Variants in CSMD1 observed in about 807,000 individuals in gnomAD.
The protein encoded by CSMD1 is CUB and sushi domain-containing protein 1.
A neutral mutation model predicts 417.5 loss-of-function variants in CSMD1; 213 were observed. That is an observed-to-expected ratio of 0.51 (90% CI 0.46 to 0.57). The LOEUF is 0.57. Ranked by LOEUF, CSMD1 falls within the 20% of genes least tolerant of loss-of-function variation. CSMD1 has a pLI of 0.00. For synonymous variants in CSMD1, 2,862 were observed against 1,736.8 expected (o/e 1.65, Z -16.11); for missense variants, 6,923 against 4,529.7 (o/e 1.53, Z -15.17).
At chr8:4,703,709 G>T (rs1165673188) in intron 1 of CSMD1, among the ~76,000 whole-genome samples, 2 of 152,014 alleles carry the variant, frequency 1.3e-5, no homozygotes, top group African/African-American at 4.8e-5. Context: ...TGAATTAAAA[G>T]ATTTTCTTTA....
chr8:3,351,149 A>G (rs755887610), intron 21 of CSMD1, among the ~76,000 whole-genome samples: 101 of 152,234 alleles, frequency 6.6e-4, no homozygotes, highest in Non-Finnish European at 4.0e-4. Flanking sequence ...AATATGTAAT[A>G]ATAGCTCATT....
At chr8:3,933,807 G>C (rs1810308941) in intron 5 of CSMD1, among the ~76,000 whole-genome samples, 1 of 152,066 alleles carries the variant, frequency 6.6e-6, no homozygotes, top group Admixed American at 6.6e-5. Flanking sequence ...TTCAGATCTT[G>C]CACTTAAAAC....
intron 2 of CSMD1, among the ~76,000 whole-genome samples, chr8:4,585,441 T>C (rs2725024): frequency 0.34 from 50,960 of 151,904 alleles, 8,682 homozygotes; most frequent in African/African-American, 0.37. Flanking sequence ...ACGTGGAATA[T>C]GGGCAAAATA....
intron 3 of CSMD1, among the ~76,000 whole-genome samples, chr8:4,384,856 T>C (rs1473291871): frequency 6.6e-6 from 1 of 151,562 alleles, no homozygotes; most frequent in African/African-American, 2.4e-5. Context: ...TACTGTTTGA[T>C]CTTAACAAAT....
At chr8:3,013,616 G>A (rs1255732330) in intron 52 of CSMD1, among the ~76,000 whole-genome samples, 1 of 152,042 alleles carries the variant, frequency 6.6e-6, no homozygotes, top group African/African-American at 2.4e-5. Context: ...GCCAGGTGTG[G>A]TGGTGGGTGC....
At chr8:4,196,131 A>C (rs1485446810) in intron 3 of CSMD1, among the ~76,000 whole-genome samples, 1 of 152,042 alleles carries the variant, frequency 6.6e-6, no homozygotes, top group African/African-American at 2.4e-5. Context: ...GAATGGCTTG[A>C]ACCCGGGAAG....
At chr8:4,507,566 T>C (rs556358941) in intron 2 of CSMD1, among the ~76,000 whole-genome samples, 6 of 152,212 alleles carry the variant, frequency 3.9e-5, no homozygotes, top group Non-Finnish European at 8.8e-5. Flanking sequence ...TGCATGGACA[T>C]GCATGTTATC....
At chr8:4,348,171 A>C (rs547792727) in intron 3 of CSMD1, among the ~76,000 whole-genome samples, 2 of 152,172 alleles carry the variant, frequency 1.3e-5, no homozygotes, top group African/African-American at 4.8e-5. Context: ...TATTTACTGC[A>C]TATGATCTCT....
chr8:3,718,508 A>G (rs866373393), intron 6 of CSMD1, among the ~76,000 whole-genome samples: 3 of 152,214 alleles, frequency 2.0e-5, no homozygotes, highest in South Asian at 4.1e-4. Context: ...AATGTGAACC[A>G]TTTGTACTGT....
intron 3 of CSMD1, among the ~76,000 whole-genome samples, chr8:4,126,414 G>A (rs926324639): frequency 2.0e-5 from 3 of 152,130 alleles, no homozygotes; most frequent in Non-Finnish European, 2.9e-5. Context: ...CCCATCACAG[G>A]ACAGCACCCT....
chr8:3,056,082 A>G (rs1224258746), intron 49 of CSMD1, among the ~76,000 whole-genome samples: 1 of 152,224 alleles, frequency 6.6e-6, no homozygotes, highest in East Asian at 1.9e-4. Context: ...TAAAATTTTT[A>G]CTTATTTATT....
intron 2 of CSMD1, among the ~76,000 whole-genome samples, chr8:4,448,740 T>C (rs1375991131): frequency 6.6e-6 from 1 of 152,220 alleles, no homozygotes; most frequent in East Asian, 1.9e-4. Context: ...TTTTGAATTT[T>C]TCTGAATGAC....
chr8:4,514,182 C>T (rs572230069), intron 2 of CSMD1, among the ~76,000 whole-genome samples: 1 of 152,100 alleles, frequency 6.6e-6, no homozygotes, highest in African/African-American at 2.4e-5. Context: ...AAAATGCCAC[C>T]TTCTTACCGT....
At chr8:4,661,314 A>G (rs1449598105) in intron 1 of CSMD1, among the ~76,000 whole-genome samples, 1 of 152,232 alleles carries the variant, frequency 6.6e-6, no homozygotes, top group Non-Finnish European at 1.5e-5. Flanking sequence ...AAATAAAAAC[A>G]GACTGCTGAC....
chr8:4,451,780 A>ATG (rs1430630704), intron 2 of CSMD1, among the ~76,000 whole-genome samples: 2 of 152,048 alleles, frequency 1.3e-5, no homozygotes, highest in Non-Finnish European at 2.9e-5. Flanking sequence ...GTAGTATTTG[A>ATG]GCAGGATCCA....
At chr8:4,619,793 T>C (rs547661638) in intron 2 of CSMD1, among the ~76,000 whole-genome samples, 36 of 152,140 alleles carry the variant, frequency 2.4e-4, no homozygotes, top group Non-Finnish European at 5.0e-4. Flanking sequence ...TTGGTATTCA[T>C]ATCACATAGC....
intron 1 of CSMD1, among the ~76,000 whole-genome samples, chr8:4,928,032 C>A (rs893487231): frequency 7.2e-5 from 11 of 152,170 alleles, no homozygotes; most frequent in Non-Finnish European, 1.5e-4. Flanking sequence ...AGTAGAAATC[C>A]TTCCCTGATA....
At chr8:3,818,097 CAT>C (rs145366218) in intron 5 of CSMD1, among the ~76,000 whole-genome samples, 2,566 of 152,212 alleles carry the variant, frequency 0.017, 38 homozygotes, top group Non-Finnish European at 0.025. Flanking sequence ...AGCCTGGCAC[CAT>C]GTTATTCCCT....
chr8:4,434,440 G>T (rs752101536), intron 2 of CSMD1, among the ~76,000 whole-genome samples: 4 of 152,178 alleles, frequency 2.6e-5, no homozygotes, highest in Non-Finnish European at 5.9e-5. Flanking sequence ...TCAGCCCTTG[G>T]CTTTGTGACC....
Sources: allele counts gnomAD v4.1 joint callset (sites outside exome capture counted in the v4.1 genomes callset), GRCh38; gene constraint gnomAD v4.1.1; transcripts MANE v1.5; gene names NCBI Gene and HGNC (gene_info 2026-07-23, HGNC 2026-07-21).